The following SMOC2 variants were observed in gnomAD, a reference collection of about 807,000 sequenced individuals.
The protein encoded by SMOC2 is SPARC related modular calcium binding 2, also known as SPARC-related modular calcium-binding protein 2.
In SMOC2, 39 loss-of-function variants were observed where a neutral mutation model predicts 61.4. The ratio of observed to expected loss-of-function variants is 0.64; its 90% CI spans 0.49 to 0.83. SMOC2 has a LOEUF of 0.83. Among genes scored for constraint, SMOC2 ranks in the 40% least tolerant of loss-of-function variants. The pLI, the probability that SMOC2 is intolerant of heterozygous loss-of-function variation, is 0.00. For synonymous variants in SMOC2, 247 were observed against 239.9 expected, an observed-to-expected ratio of 1.03 and a Z score of -0.27; for missense variants, 556 against 592.9, an observed-to-expected ratio of 0.94 and a Z score of 0.65.
At chr6:168,615,023 A>AGCACAGGGCCTCTTCATACTTACAGCCG (rs1786026894) in intron 9 of SMOC2, among the ~76,000 whole-genome samples, 1 of 52,070 alleles carries the variant, frequency 1.9e-5, no homozygotes. Flanking sequence ...ACCTACAGCC[A>AGCACAGGGCCTCTTCATACTTACAGCCG]GCACAGGGCC....
intron 9 of SMOC2, 110 bp from the exon 10 acceptor site, chr6:168,650,571 G>A: frequency 3.1e-6 from 3 of 960,652 alleles, no homozygotes; most frequent in Non-Finnish European, 4.7e-6. Flanking sequence ...TAAGATTAAG[G>A]TAGGCCAAAA....
At chr6:168,491,338 T>C (rs993836429) in intron 1 of SMOC2, among the ~76,000 whole-genome samples, 8 of 152,170 alleles carry the variant, frequency 5.3e-5, no homozygotes, top group Admixed American at 3.9e-4. Flanking sequence ...GCTAAGATAA[T>C]GCAAAGATGT....
intron 4 of SMOC2, among the ~76,000 whole-genome samples, chr6:168,533,824 C>T (rs1783667773): frequency 6.6e-6 from 1 of 152,154 alleles, no homozygotes; most frequent in African/African-American, 2.4e-5. Flanking sequence ...AAACAAACAA[C>T]CTTAAGGAGA....
rs539121962 is a variant in SMOC2 at position 168,458,304 on chromosome 6, C to A, written c.84+16850C>A. ...GGTCCTGGGAGGGAGACGGTCTCAC[C>A]CTGCCCCTCTGGGGGCATCGTGCTG... is the stretch of plus-strand genomic sequence containing the variant. On this transcript the variant is annotated intron_variant, in intron 1 of 12. Transcript: ENST00000356284. Among the ~76,000 whole-genome samples, 18 of 151,696 alleles carry A rather than the reference C, an allele frequency of 1.2e-4. No individual in the cohort carries two copies. In the East Asian group the frequency reaches 3.3e-3, roughly 28 times the overall value.
intron 2 of SMOC2, among the ~76,000 whole-genome samples, chr6:168,512,977 T>G (rs1783044632): frequency 6.6e-6 from 1 of 152,202 alleles, no homozygotes; most frequent in Admixed American, 6.5e-5. Context: ...AGTAGAAAAA[T>G]AGTTTAAAGT....
chr6:168,634,533 C>T (rs1303639378), intron 9 of SMOC2, among the ~76,000 whole-genome samples: 1 of 152,204 alleles, frequency 6.6e-6, no homozygotes, highest in Non-Finnish European at 1.5e-5. Flanking sequence ...ACAACCCTCA[C>T]TGAAGAGAAC....
chr6:168,641,244 G>A (rs932859216), intron 9 of SMOC2, among the ~76,000 whole-genome samples: 8 of 152,016 alleles, frequency 5.3e-5, no homozygotes, highest in Admixed American at 3.9e-4. Context: ...GCTCCTCCCC[G>A]GATGGCAGAG....
intron 9 of SMOC2, among the ~76,000 whole-genome samples, chr6:168,638,507 G>T (rs1029839119): frequency 3.3e-5 from 5 of 152,174 alleles, no homozygotes; most frequent in African/African-American, 1.2e-4. Flanking sequence ...CCGCAGAGCT[G>T]CTGGAAGCGG....
At position 168,608,137 on chromosome 6, in the gene SMOC2, C is replaced by T. The variant is rs545628285; in HGVS notation, c.825-20C>T. ...CCCGTTGTTTTCTCTCTCCTTCCCC[C>T]GCCTTCCCCCCGCCCATAGGTACGA... On this transcript the variant is annotated intron_variant, in intron 8 of 12. Transcript: ENST00000356284. 3.4e-5 allele frequency: 54 copies of T among 1,599,808 alleles called. No homozygotes were observed. Among genetic ancestry groups the T allele is most frequent in the Middle Eastern group, 1.6e-4 (1 of 6,078 alleles).
chr6:168,501,165 G>C (rs1271003498), intron 1 of SMOC2, among the ~76,000 whole-genome samples: 1 of 152,086 alleles, frequency 6.6e-6, no homozygotes, highest in Non-Finnish European at 1.5e-5. Context: ...TATCTTATTA[G>C]GAAGAATTTT....
intron 1 of SMOC2, among the ~76,000 whole-genome samples, chr6:168,485,851 G>A (rs1358522281): frequency 6.6e-6 from 1 of 152,148 alleles, no homozygotes; most frequent in African/African-American, 2.4e-5. Context: ...AACATGCATG[G>A]ATTAGTAATA....
intron 9 of SMOC2, among the ~76,000 whole-genome samples, chr6:168,622,864 G>A (rs537550687): frequency 3.3e-4 from 50 of 152,314 alleles, no homozygotes; most frequent in Admixed American, 5.2e-4. Flanking sequence ...GGCCACTCTC[G>A]GAGACCGACA....
At position 168,549,109 on chromosome 6, in the gene SMOC2, C is replaced by T. The variant is rs1267431351; in HGVS notation, c.563-20C>T. ...TTCGTGATGAATTAAAGATGCTTGT[C>T]ATTTCATTTTGGTTCATAGATATTG... On this transcript the variant is annotated intron_variant, in intron 6 of 12. Transcript: ENST00000356284. 3 of 1,605,054 alleles carry T rather than the reference C, an allele frequency of 1.9e-6. No individual in the cohort carries two copies. Among genetic ancestry groups the T allele is most frequent in the Admixed American group, 3.3e-5 (2 of 60,008 alleles).
At chr6:168,618,387 TAAG>T (rs1377586840) in intron 9 of SMOC2, among the ~76,000 whole-genome samples, 27 of 133,668 alleles carry the variant, frequency 2.0e-4, no homozygotes, top group Non-Finnish European at 2.7e-4. Context: ...GTAGTGGCAT[TAAG>T]AGGAGAGTGG....
At chr6:168,580,512 T>C (rs1166048583) in intron 7 of SMOC2, among the ~76,000 whole-genome samples, 7 of 152,178 alleles carry the variant, frequency 4.6e-5, no homozygotes, top group Admixed American at 4.6e-4. Flanking sequence ...AGCCTCAGCT[T>C]TCTCACTGAT....
At chr6:168,587,738 C>T (rs111827143) in intron 7 of SMOC2, among the ~76,000 whole-genome samples, 174 of 152,226 alleles carry the variant, frequency 1.1e-3, no homozygotes, top group African/African-American at 3.5e-3. Flanking sequence ...AGGCAAACAG[C>T]GAGGGAGGTC....
chr6:168,666,387 A>G, intron 12 of SMOC2, 34 bp from the exon 13 acceptor site: 1 of 1,613,708 alleles, frequency 6.2e-7, no homozygotes, highest in Non-Finnish European at 8.5e-7. Flanking sequence ...ACACCTCTGA[A>G]TATAATGTCT....
chr6:168,659,671 T>G (rs1787440326), intron 11 of SMOC2, among the ~76,000 whole-genome samples: 1 of 147,878 alleles, frequency 6.8e-6, no homozygotes, highest in Non-Finnish European at 1.5e-5. Flanking sequence ...GTAGGCTGGG[T>G]GAGGGTGGAG....
At chr6:168,599,421 C>T (rs555841792) in intron 8 of SMOC2, among the ~76,000 whole-genome samples, 1 of 131,592 alleles carries the variant, frequency 7.6e-6, no homozygotes, top group South Asian at 2.6e-4. Flanking sequence ...CATTCATACC[C>T]CCCACACCCA....
Sources: allele counts gnomAD v4.1 joint callset (sites outside exome capture counted in the v4.1 genomes callset), GRCh38; gene constraint gnomAD v4.1.1; transcripts MANE v1.5; gene names NCBI Gene and HGNC (gene_info 2026-07-23, HGNC 2026-07-21).